The following ST6GALNAC3 variants were observed in gnomAD, a reference collection of about 807,000 sequenced individuals.
ST6GALNAC3 encodes the protein alpha-N-acetylgalactosaminide alpha-2,6-sialyltransferase 3.
In ST6GALNAC3, 25 loss-of-function variants were observed where a neutral mutation model predicts 32.7. The ratio of observed to expected loss-of-function variants is 0.76; its 90% CI spans 0.56 to 1.07. ST6GALNAC3 has a LOEUF of 1.07. ST6GALNAC3 is among the 50% of genes least tolerant of loss of function. ST6GALNAC3 has a pLI of 0.00. For missense variants in ST6GALNAC3, 355 were observed against 382.4 expected (o/e 0.93, Z 0.60); for synonymous variants, 129 against 133.1 (o/e 0.97, Z 0.21).
intron 1 of ST6GALNAC3, among the ~76,000 whole-genome samples, chr1:76,190,256 G>A (rs1202258183): frequency 6.6e-6 from 1 of 152,106 alleles, no homozygotes; most frequent in African/African-American, 2.4e-5. Context: ...AGTAGGATGA[G>A]AGGCAGGCTC....
intron 1 of ST6GALNAC3, among the ~76,000 whole-genome samples, chr1:76,130,834 C>T (rs1278145485): frequency 2.6e-5 from 4 of 152,210 alleles, no homozygotes; most frequent in South Asian, 2.1e-4. Flanking sequence ...GGTTGCACCC[C>T]GCTCAGAGGT....
chr1:76,514,070 G>A (rs543745886), intron 3 of ST6GALNAC3, among the ~76,000 whole-genome samples: 3 of 152,186 alleles, frequency 2.0e-5, no homozygotes, highest in Admixed American at 6.5e-5. Flanking sequence ...GGAATCTTTA[G>A]GGTTTTCTAT....
chr1:76,568,251 C>A (rs939965723), intron 3 of ST6GALNAC3, among the ~76,000 whole-genome samples: 1 of 152,146 alleles, frequency 6.6e-6, no homozygotes, highest in Non-Finnish European at 1.5e-5. Flanking sequence ...ACCACAAGTA[C>A]ACAGCAGAGG....
At chr1:76,537,523 C>T (rs1380012295) in intron 3 of ST6GALNAC3, among the ~76,000 whole-genome samples, 2 of 151,916 alleles carry the variant, frequency 1.3e-5, no homozygotes, top group Non-Finnish European at 1.5e-5. Flanking sequence ...ATCAATGAAT[C>T]CAGGAGCTGC....
intron 3 of ST6GALNAC3, among the ~76,000 whole-genome samples, chr1:76,545,526 ATTATAC>A (rs1369340442): frequency 3.3e-5 from 5 of 152,120 alleles, no homozygotes; most frequent in African/African-American, 1.2e-4. Flanking sequence ...AAATAATTAT[ATTATAC>A]TTATAGCTGT....
chr1:76,489,002 G>A (rs1185774469), intron 3 of ST6GALNAC3, among the ~76,000 whole-genome samples: 1 of 152,136 alleles, frequency 6.6e-6, no homozygotes, highest in African/African-American at 2.4e-5. Context: ...GCAATTGCTT[G>A]TTTGCTTATC....
chr1:76,221,959 G>T (rs1277255174), intron 1 of ST6GALNAC3, among the ~76,000 whole-genome samples: 7 of 152,118 alleles, frequency 4.6e-5, no homozygotes, highest in Admixed American at 4.6e-4. Flanking sequence ...TTGTGTTTTT[G>T]GCCCTGTAAT....
chr1:76,122,963 G>T (rs1414209667), intron 1 of ST6GALNAC3, among the ~76,000 whole-genome samples: 1 of 152,188 alleles, frequency 6.6e-6, no homozygotes, highest in Non-Finnish European at 1.5e-5. Context: ...AGCAGTATCA[G>T]CATCACCTGG....
At chr1:76,094,655 A>G (rs1348569694) in intron 1 of ST6GALNAC3, among the ~76,000 whole-genome samples, 1 of 152,160 alleles carries the variant, frequency 6.6e-6, no homozygotes, top group African/African-American at 2.4e-5. Flanking sequence ...AAGTAGAGGA[A>G]ACGTGTATAT....
intron 1 of ST6GALNAC3, among the ~76,000 whole-genome samples, chr1:76,203,217 A>AG (rs1241059503): frequency 6.6e-6 from 1 of 152,140 alleles, no homozygotes; most frequent in Non-Finnish European, 1.5e-5. Flanking sequence ...AGATCACTGG[A>AG]GGGGGCACTT....
intron 1 of ST6GALNAC3, among the ~76,000 whole-genome samples, chr1:76,186,668 C>G (rs190511471): frequency 1.4e-4 from 22 of 152,262 alleles, no homozygotes; most frequent in African/African-American, 4.8e-4. Flanking sequence ...GGAGACTGAG[C>G]TGCCTGGTGG....
intron 1 of ST6GALNAC3, among the ~76,000 whole-genome samples, chr1:76,290,906 C>T (rs1660044923): frequency 6.6e-6 from 1 of 152,164 alleles, no homozygotes; most frequent in Non-Finnish European, 1.5e-5. Flanking sequence ...TCCACACATA[C>T]CTGTCCTGAC....
intron 1 of ST6GALNAC3, among the ~76,000 whole-genome samples, chr1:76,232,495 G>A (rs911013581): frequency 2.6e-5 from 4 of 152,208 alleles, no homozygotes; most frequent in Non-Finnish European, 4.4e-5. Context: ...GTGGGACCAA[G>A]CCTGTGCTCT....
At chr1:76,557,451 TTCC>T (rs1313797220) in intron 3 of ST6GALNAC3, among the ~76,000 whole-genome samples, 1 of 152,080 alleles carries the variant, frequency 6.6e-6, no homozygotes, top group African/African-American at 2.4e-5. Flanking sequence ...AAAACTAATG[TTCC>T]ATCAGGATTG....
chr1:76,416,627 G>GTTT (rs758529243), intron 3 of ST6GALNAC3, among the ~76,000 whole-genome samples: 3,559 of 113,404 alleles, frequency 0.031, 331 homozygotes, highest in African/African-American at 0.11. Flanking sequence ...TGTGGGTTTT[G>GTTT]TTTTTTTTTT....
At chr1:76,402,914 A>T (rs1169309773) in intron 2 of ST6GALNAC3, among the ~76,000 whole-genome samples, 2 of 152,160 alleles carry the variant, frequency 1.3e-5, no homozygotes, top group South Asian at 2.1e-4. Flanking sequence ...TAAATTATTG[A>T]GTCTTATCTT....
At chr1:76,192,299 A>C (rs909369865) in intron 1 of ST6GALNAC3, among the ~76,000 whole-genome samples, 1 of 152,196 alleles carries the variant, frequency 6.6e-6, no homozygotes, top group Non-Finnish European at 1.5e-5. Context: ...AATTTTGGGC[A>C]CAGAAAACAT....
intron 1 of ST6GALNAC3, among the ~76,000 whole-genome samples, chr1:76,201,011 T>C (rs1030241118): frequency 1.3e-5 from 2 of 151,864 alleles, no homozygotes; most frequent in Non-Finnish European, 2.9e-5. Context: ...CCTCTGTTCA[T>C]AGGATAGTAA....
chr1:76,470,148 A>G (rs1658920518), intron 3 of ST6GALNAC3, among the ~76,000 whole-genome samples: 2 of 152,088 alleles, frequency 1.3e-5, no homozygotes, highest in African/African-American at 4.8e-5. Flanking sequence ...ATAATGATAT[A>G]ATTTTTTTTT....
Sources: allele counts gnomAD v4.1 joint callset (sites outside exome capture counted in the v4.1 genomes callset), GRCh38; gene constraint gnomAD v4.1.1; transcripts MANE v1.5; gene names NCBI Gene and HGNC (gene_info 2026-07-23, HGNC 2026-07-21).